RNF217: variants seen among roughly 807,000 people sequenced by gnomAD.
RNF217 encodes the protein E3 ubiquitin-protein ligase RNF217.
A neutral mutation model predicts 57.8 loss-of-function variants in RNF217; 31 were observed. That is an observed-to-expected ratio of 0.54 (90% CI 0.40 to 0.72). The LOEUF (loss-of-function observed/expected upper bound fraction) is 0.72, where lower values mean the gene tolerates loss of function less well. Among genes scored for constraint, RNF217 ranks in the 30% least tolerant of loss-of-function variants. RNF217 has a pLI of 0.00. For synonymous variants in RNF217, 313 were observed against 294.0 expected, an observed-to-expected ratio of 1.06 and a Z score of -0.66; for missense variants, 696 against 708.3, an observed-to-expected ratio of 0.98 and a Z score of 0.20.
chr6:124,981,144 GA>G (rs765062857), intron 1 of RNF217, among the ~76,000 whole-genome samples: 1 of 152,010 alleles, frequency 6.6e-6, no homozygotes, highest in East Asian at 1.9e-4. Flanking sequence ...TAATGTTTGT[GA>G]AAAAATTGAT....
At chr6:125,068,064 CAT>C (rs1452001794) in intron 3 of RNF217, among the ~76,000 whole-genome samples, 1 of 152,002 alleles carries the variant, frequency 6.6e-6, no homozygotes, top group Admixed American at 6.6e-5. Flanking sequence ...GGATAATATT[CAT>C]GTGTTTTTTT....
chr6:125,031,168 C>A (rs1202253161), intron 1 of RNF217, among the ~76,000 whole-genome samples: 1 of 152,222 alleles, frequency 6.6e-6, no homozygotes, highest in African/African-American at 2.4e-5. Context: ...GCTGCACACA[C>A]CCTGGGGACT....
At chr6:125,024,885 CAT>C (rs1281366074) in intron 1 of RNF217, among the ~76,000 whole-genome samples, 2 of 152,038 alleles carry the variant, frequency 1.3e-5, no homozygotes, top group Non-Finnish European at 1.5e-5. Context: ...GGTGTTTTAA[CAT>C]GTGGGAGCTT....
intron 3 of RNF217, among the ~76,000 whole-genome samples, chr6:125,070,070 G>C (rs191237535): frequency 2.3e-4 from 35 of 152,164 alleles, no homozygotes; most frequent in South Asian, 2.3e-3. Flanking sequence ...CATCCCCATA[G>C]CTTAGCTCCC....
intron 3 of RNF217, among the ~76,000 whole-genome samples, chr6:125,070,647 T>C (rs1788098548): frequency 6.6e-6 from 1 of 152,254 alleles, no homozygotes; most frequent in Non-Finnish European, 1.5e-5. Flanking sequence ...ATCTCTTCTT[T>C]TGAGAAATGT....
At chr6:125,042,948 G>A (rs755545073) in intron 1 of RNF217, among the ~76,000 whole-genome samples, 2 of 152,018 alleles carry the variant, frequency 1.3e-5, no homozygotes, top group Non-Finnish European at 2.9e-5. Flanking sequence ...AGTGCCTCTC[G>A]AGGTGGCCCA....
intron 3 of RNF217, among the ~76,000 whole-genome samples, chr6:125,064,809 C>G (rs570912141): frequency 6.6e-6 from 1 of 151,756 alleles, no homozygotes; most frequent in South Asian, 2.1e-4. Context: ...TATGTATATA[C>G]ACATACATAT....
rs562379380 is a variant in RNF217 at position 125,059,017 on chromosome 6, A to C, written c.1281+911A>C. Among the ~76,000 whole-genome samples the C allele has an allele frequency of 2.6e-5, 4 of 152,356 alleles. No homozygotes were observed. In the East Asian group the frequency reaches 7.7e-4, roughly 29 times the overall value. On this transcript the variant is annotated intron_variant, in intron 3 of 5. Transcript: ENST00000521654. ...AAACTTGAATTGCCAGAAAATGTTT[A>C]AAATTTAAAAATTATGAATACAATT...
intron 2 of RNF217, among the ~76,000 whole-genome samples, chr6:125,053,782 C>A (rs548677071): frequency 5.3e-5 from 8 of 152,042 alleles, no homozygotes; most frequent in Non-Finnish European, 1.2e-4. Context: ...GTTCTTTTAT[C>A]TTTTGTGAGT....
intron 1 of RNF217, among the ~76,000 whole-genome samples, chr6:125,016,365 A>T (rs573116458): frequency 1.3e-5 from 2 of 152,292 alleles, no homozygotes; most frequent in Admixed American, 6.5e-5. Context: ...TAGATTTTTT[A>T]AAAAGGTGGG....
chr6:125,044,991 C>T (rs1787039447), intron 1 of RNF217, among the ~76,000 whole-genome samples: 2 of 152,032 alleles, frequency 1.3e-5, no homozygotes, highest in Non-Finnish European at 2.9e-5. Context: ...TCAGAGAAGA[C>T]TTAAATGCCC....
intron 1 of RNF217, among the ~76,000 whole-genome samples, chr6:125,008,272 A>T (rs1210973473): frequency 6.6e-6 from 1 of 151,822 alleles, no homozygotes; most frequent in Non-Finnish European, 1.5e-5. Context: ...AAAAAAAGTT[A>T]TGTGAATGTG....
chr6:125,072,252 A>G lies in RNF217; in HGVS notation c.1282-4405A>G. On this transcript the variant is annotated intron_variant, in intron 3 of 5. Transcript: ENST00000521654. ...TTAGTGTCAAATAAAATATTCATAT[A>G]TAATCAAGATATATTCATAATAATA... Among the ~76,000 whole-genome samples, 2 of 152,212 alleles carry G rather than the reference A, an allele frequency of 1.3e-5. 1 individual carries two copies.
intron 1 of RNF217, among the ~76,000 whole-genome samples, chr6:125,029,852 G>A (rs138598871): frequency 3.3e-5 from 5 of 152,182 alleles, no homozygotes; most frequent in Admixed American, 3.3e-4. Context: ...AATTAGCTGA[G>A]ATGACGACAG....
chr6:125,057,615 G>A (rs1562489063), intron 2 of RNF217, among the ~76,000 whole-genome samples: 1 of 152,200 alleles, frequency 6.6e-6, no homozygotes, highest in Non-Finnish European at 1.5e-5. Flanking sequence ...AGGGCAGCCT[G>A]AGTGTGTGGA....
At chr6:125,052,326 A>T (rs1033421133) in intron 2 of RNF217, among the ~76,000 whole-genome samples, 1,567 of 129,954 alleles carry the variant, frequency 0.012, 38 homozygotes, top group African/African-American at 0.043. Context: ...GTGTGGTTTT[A>T]TTTGTTTTGT....
At position 125,045,217 on chromosome 6, in the gene RNF217, C is replaced by T; in HGVS notation, c.889C>T (p.Leu297Phe). 6.2e-7 allele frequency: 1 copy of T among 1,610,572 alleles called. No homozygotes were observed. The highest frequency in any genetic ancestry group is 8.5e-7 in the Non-Finnish European group (1 of 1,177,934). The change falls in exon 2 of 6, where the codon CTT (leucine) becomes TTT (phenylalanine). Residue 297 changes from leucine to phenylalanine, a missense_variant. Physicochemically the swap from Leu to Phe is conservative, Grantham distance 22 (BLOSUM62 0). Transcript: ENST00000521654. ...LKVYLSAQVQLGQVEIKCPIT... is the reference protein window; with the variant it reads ...LKVYLSAQVQFGQVEIKCPIT... ...CTGCTCTTCCATCATGCAGGTACAA[C>T]TTGGCCAAGTAGAAATCAAATGCCC...
At chr6:124,984,932 G>T (rs1388674881) in intron 1 of RNF217, among the ~76,000 whole-genome samples, 1 of 152,130 alleles carries the variant, frequency 6.6e-6, no homozygotes, top group African/African-American at 2.4e-5. Context: ...GACATAAAAG[G>T]TTATTATCCA....
chr6:125,076,917 C>A, intron 4 of RNF217, 59 bp downstream of exon 4: 1 of 1,441,262 alleles, frequency 6.9e-7, no homozygotes, highest in Non-Finnish European at 9.8e-7. Flanking sequence ...GAAAATAGAA[C>A]TTGGAAATGT....
Sources: gnomAD v4.1 joint callset for allele counts (sites outside exome capture counted in the v4.1 genomes callset) on GRCh38, gnomAD v4.1.1 for gene constraint, MANE v1.5 for transcripts, NCBI Gene and HGNC (gene_info 2026-07-23, HGNC 2026-07-21) for gene names.